TECPR1: variants seen among roughly 807,000 people sequenced by gnomAD.
TECPR1 encodes the protein tectonin beta-propeller repeat-containing protein 1.
TECPR1 carries 122 observed loss-of-function variants against 162.4 expected under a neutral mutation model. The ratio of observed to expected loss-of-function variants is 0.75; its 90% CI spans 0.65 to 0.87. The LOEUF is 0.87. Among genes scored for constraint, TECPR1 ranks in the 40% least tolerant of loss-of-function variants. The probability of loss-of-function intolerance (pLI) is 0.00; values close to 1 mark genes in which losing one functional copy is unlikely to be tolerated. For synonymous variants in TECPR1, 642 were observed against 670.6 expected, an observed-to-expected ratio of 0.96 and a Z score of 0.66; for missense variants, 1,432 against 1,618.2, an observed-to-expected ratio of 0.88 and a Z score of 1.97.
chr7:98,223,067 G>T lies in TECPR1; in HGVS notation c.2851C>A (p.His951Asn). The T allele has an allele frequency of 6.2e-7, 1 of 1,606,558 alleles. No individual in the cohort carries two copies. Among genetic ancestry groups the T allele is most frequent in the Non-Finnish European group, 8.5e-7 (1 of 1,177,222 alleles). The stretch of plus-strand genomic sequence containing the variant: ...CTGACGGCCCAGAGGGCGATGCTGT[G>T]CCCACTCCCCTCGGCACCCGGGCTC... ...PESPGAEGSGHSIALWAVSDK... is the reference protein window; with the variant it reads ...PESPGAEGSGNSIALWAVSDK... The change falls in exon 21 of 26, where the codon CAC (histidine) becomes AAC (asparagine). Residue 951 changes from histidine to asparagine, a missense_variant. His to Asn is a moderately conservative substitution (Grantham distance 68). Transcript: ENST00000447648.
At chr7:98,230,140 G>A (rs1367130467) in intron 15 of TECPR1, among the ~76,000 whole-genome samples, 1 of 151,722 alleles carries the variant, frequency 6.6e-6, no homozygotes, top group Non-Finnish European at 1.5e-5. Flanking sequence ...GGAACTACAA[G>A]TGCATGACAC....
At chr7:98,242,774 CCCACCCATCCATCCATCCAT>C (rs1798788470) in intron 6 of TECPR1, among the ~76,000 whole-genome samples, 14 of 88,170 alleles carry the variant, frequency 1.6e-4, no homozygotes, top group Admixed American at 9.2e-4. Context: ...CATCCACCCA[CCCACCCATCCATCCATCCAT>C]CCACCCATCC....
rs769520963 is a variant in TECPR1 at position 98,232,783 on chromosome 7, T to TG, written c.1818+43dup. 4.7e-6 allele frequency: 7 copies of TG among 1,474,210 alleles called. No individual in the cohort carries two copies. Among genetic ancestry groups the TG allele is most frequent in the Non-Finnish European group, 6.3e-6 (7 of 1,104,544 alleles). The allele number at this position is 1,474,210 out of a possible 1,614,324, so 91.3% of individuals were successfully genotyped here. A position where few individuals can be genotyped will look rare whatever the true frequency, so the allele number is the denominator to read the frequency against. On this transcript the variant is annotated intron_variant, in intron 12 of 25. Transcript: ENST00000447648. The surrounding 1 kb of genome is among the most constrained non-coding windows in gnomAD (Gnocchi z 4.6). ...CAGCAGGCGCTCAATGAATGATTGCTGGAAAAAAAAAAAAAATGCATGCGC... is the reference window on the plus strand; with the variant it reads ...CAGCAGGCGCTCAATGAATGATTGCTGGGAAAAAAAAAAAAAATGCATGCGC...
In TECPR1 at chr7:98,229,153, T is replaced by C; in HGVS notation, c.2296A>G (p.Met766Val). ...TCCACCATCCGCAGGTGGCCTCCCA[T>C]CTGCCGCCAAAACCTGGAAGGATGG... is the stretch of plus-strand genomic sequence containing the variant. ...LPCDQMFWRQ[M>V]GGHLRMVEAN... Residue 766 changes from methionine (M) to valine (V), a missense_variant, in exon 16 of 26, where the codon ATG becomes GTG. By Grantham distance (21) the Met-to-Val change is conservative. Coordinates refer to ENST00000447648, the MANE Select transcript of TECPR1 (RefSeq NM_015395.3). The C allele has an allele frequency of 6.4e-7, 1 of 1,560,262 alleles. No individual in the cohort carries two copies. The highest frequency in any genetic ancestry group is 8.7e-7 in the Non-Finnish European group (1 of 1,152,616).
intron 13 of TECPR1, 188 bp from the exon 14 acceptor site, chr7:98,231,561 C>A: frequency 1.7e-6 from 1 of 576,822 alleles, no homozygotes; most frequent in Admixed American, 3.6e-5. Flanking sequence ...ATTTCTGTAC[C>A]CCCTCCCCTG....
intron 9 of TECPR1, among the ~76,000 whole-genome samples, chr7:98,238,288 T>C (rs2270599): frequency 6.6e-6 from 1 of 152,108 alleles, no homozygotes; most frequent in Admixed American, 6.5e-5. Flanking sequence ...CACTAGCAGG[T>C]GCCTGTCTCC....
At position 98,224,811 on chromosome 7, in the gene TECPR1, C is replaced by T. The variant is rs754494061; in HGVS notation, c.2680G>A (p.Asp894Asn). The T allele has an allele frequency of 3.8e-6, 6 of 1,581,512 alleles. No homozygotes were observed. The South Asian group carries it at 5.8e-5, about 15-fold the overall frequency. Residue 894 changes from aspartate to asparagine, a missense_variant, in exon 19 of 26, where the codon GAC (aspartate) becomes AAC (asparagine). Transcript: ENST00000447648. ...CAGGGAGAGGCTTACGCAGGGAAGT[C>T]GCTGGCATACTGCCACCCCTCCTGG... Reference protein sequence around the residue: ...TDQEGWQYASDFPASYHGSKT... With the variant: ...TDQEGWQYASNFPASYHGSKT...
At chr7:98,251,188 C>T (rs1294983534) in intron 2 of TECPR1, 1 of 152,106 alleles carries the variant, frequency 6.6e-6, no homozygotes, top group Non-Finnish European at 1.5e-5. Context: ...CTCGAATTCA[C>T]CAAGAATTTC....
chr7:98,217,291 G>T lies in TECPR1; in HGVS notation c.*99C>A. 1 of 821,934 alleles carries T rather than the reference G, an allele frequency of 1.2e-6. No individual in the cohort carries two copies. The highest frequency in any genetic ancestry group is 1.9e-6 in the Non-Finnish European group (1 of 536,664). 50.9% of individuals were successfully genotyped at this position (821,934 alleles called of 1,614,324 possible). A position where few individuals can be genotyped will look rare whatever the true frequency, so the allele number is the denominator to read the frequency against. The stretch of plus-strand genomic sequence containing the variant: ...CAGGTTCCCTCCTGAGTCCACCTGG[G>T]CCACATTGCTCCCACGGTGCACACT... On this transcript the variant is annotated 3_prime_UTR_variant, in exon 26 of 26. Coordinates refer to ENST00000447648, the MANE Select transcript of TECPR1 (RefSeq NM_015395.3).
At position 98,216,684 on chromosome 7, in the gene TECPR1, G is replaced by A. The variant is rs926357741; in HGVS notation, c.*706C>T. 2.0e-5 allele frequency: 3 copies of A among 151,182 alleles called. No homozygotes were observed. Among genetic ancestry groups the A allele is most frequent in the African/African-American group, 7.3e-5 (3 of 41,066 alleles). 9.4% of individuals were successfully genotyped at this position (151,182 alleles called of 1,614,324 possible). On this transcript the variant is annotated 3_prime_UTR_variant, in exon 26 of 26. Transcript: ENST00000447648. ...CGATTCTCCTGCCTCAGCCTCCCGA[G>A]TAGCTGGGATTACAGGCACCCACCA...
At chr7:98,224,747 A>G in intron 19 of TECPR1, 54 bp downstream of exon 19, 1 of 1,499,624 alleles carries the variant, frequency 6.7e-7, no homozygotes, top group Non-Finnish European at 9.1e-7. Context: ...CACACACTCC[A>G]GGGCCCTGAC....
Position 98,241,319 on chromosome 7 carries a change from TA to T in TECPR1, c.658-76del. 6.4e-7 allele frequency: 1 copy of T among 1,564,178 alleles called. No individual in the cohort carries two copies. The highest frequency in any genetic ancestry group is 8.7e-7 in the Non-Finnish European group (1 of 1,144,198). The stretch of plus-strand genomic sequence containing the variant: ...GCCAAGCACGGGGGTCTCGGTGTGG[TA>T]GGGGGTAGGACCCATGTCCCCTGAC... On this transcript the variant is annotated intron_variant, in intron 6 of 25. Coordinates refer to ENST00000447648, the MANE Select transcript of TECPR1 (RefSeq NM_015395.3). This position sits in a 1 kb window ranked among gnomAD's most constrained non-coding sequence, Gnocchi z 5.0.
In TECPR1 at chr7:98,217,640, C is replaced by A. The variant is rs979998738; in HGVS notation, c.3384+52G>T. 44 of 1,518,706 alleles carry A rather than the reference C, an allele frequency of 2.9e-5. No homozygotes were observed. The South Asian group carries it at 5.4e-4, about 19-fold the overall frequency. The allele number at this position is 1,518,706 out of a possible 1,614,324, so 94.1% of individuals were successfully genotyped here. ...ACAGTGGTCGTCCCGTCTTCAGCAC[C>A]CAGTGCAGGCACAAGGTGATAACAC... is the stretch of plus-strand genomic sequence containing the variant. On this transcript the variant is annotated intron_variant, in intron 25 of 25. Transcript: ENST00000447648.
At chr7:98,223,275 C>T (rs914172778) in intron 20 of TECPR1, 105 bp from the exon 21 acceptor site, 8 of 1,234,694 alleles carry the variant, frequency 6.5e-6, no homozygotes, top group East Asian at 2.6e-5. Flanking sequence ...AACCCCGGGG[C>T]GGGTAGAAAG....
rs753579307 is a variant in TECPR1 at position 98,243,554 on chromosome 7, G to A, written c.570C>T (p.Pro190=). ...SKDDPKELPD[P]FNDLSVGGWE... ...AGCCCCCTACAGAGAGGTCGTTGAA[G>A]GGGTCGGGCAGCTCCTTGGGGTCAT... The change falls in exon 6 of 26, where the codon CCC becomes CCT. Residue 190 remains proline (P), a synonymous_variant. Coordinates refer to ENST00000447648, the MANE Select transcript of TECPR1 (RefSeq NM_015395.3). The A allele has an allele frequency of 5.6e-6, 9 of 1,612,642 alleles. No homozygotes were observed. The highest frequency in any genetic ancestry group is 7.6e-6 in the Non-Finnish European group (9 of 1,179,794).
At position 98,233,557 on chromosome 7, in the gene TECPR1, G is replaced by A; in HGVS notation, c.1536C>T (p.Leu512=). 3 of 1,595,966 alleles carry A rather than the reference G, an allele frequency of 1.9e-6. No homozygotes were observed. Among genetic ancestry groups the A allele is most frequent in the South Asian group, 2.2e-5 (2 of 89,074 alleles). The change falls in exon 11 of 26, where the codon CTC becomes CTT. Residue 512 remains leucine (L), a synonymous_variant. Coordinates refer to ENST00000447648, the MANE Select transcript of TECPR1 (RefSeq NM_015395.3). ...CCAGTGGGAGGAGCCCCAGAGAGGA[G>A]AGGCTGGTGGTCTCGGGGAAGCCAG... ...SAAGFPETTS[L]SSLGLLPLGL...
chr7:98,249,322 T>C (rs559164360), intron 2 of TECPR1, among the ~76,000 whole-genome samples: 1 of 152,110 alleles, frequency 6.6e-6, no homozygotes, highest in African/African-American at 2.4e-5. Context: ...GGGAAAAGAA[T>C]AGGAGGGAGA....
chr7:98,238,452 C>T, intron 9 of TECPR1, 57 bp downstream of exon 9: 2 of 1,427,546 alleles, frequency 1.4e-6, no homozygotes, highest in Non-Finnish European at 1.9e-6. Context: ...TGGGTGGCAT[C>T]AGGAGCCCCC....
chr7:98,244,093 T>C (rs765235169), intron 5 of TECPR1, among the ~76,000 whole-genome samples: 4 of 152,170 alleles, frequency 2.6e-5, no homozygotes, highest in Non-Finnish European at 4.4e-5. Flanking sequence ...GCCAGCTCCC[T>C]GGTCTCCTGG....
Sources: allele counts gnomAD v4.1 joint callset (sites outside exome capture counted in the v4.1 genomes callset), GRCh38; gene constraint gnomAD v4.1.1; non-coding constraint Gnocchi (gnomAD v3.1); transcripts MANE v1.5; gene names NCBI Gene and HGNC (gene_info 2026-07-23, HGNC 2026-07-21).